PI4K2A: variants seen among roughly 807,000 people sequenced by gnomAD.
The protein encoded by PI4K2A is phosphatidylinositol 4-kinase type 2 alpha.
In PI4K2A, 20 loss-of-function variants were observed where a neutral mutation model predicts 55.0. That is an observed-to-expected ratio of 0.36 (90% CI 0.26 to 0.53). The LOEUF (loss-of-function observed/expected upper bound fraction) is 0.53. Ranked by LOEUF, PI4K2A falls within the 20% of genes least tolerant of loss-of-function variation. The pLI, the probability that PI4K2A is intolerant of heterozygous loss-of-function variation, is 0.91. For synonymous variants in PI4K2A, 235 were observed against 258.5 expected, an observed-to-expected ratio of 0.91 and a Z score of 0.87; for missense variants, 463 against 637.1, an observed-to-expected ratio of 0.73 and a Z score of 2.94.
At chr10:97,653,105 A>G (rs1337010591) in intron 2 of PI4K2A, among the ~76,000 whole-genome samples, 1 of 152,194 alleles carries the variant, frequency 6.6e-6, no homozygotes, top group Non-Finnish European at 1.5e-5. Context: ...CTAACCTGAA[A>G]TGCTTCTACT....
chr10:97,665,401 A>G (rs1248182979), intron 6 of PI4K2A, among the ~76,000 whole-genome samples: 1 of 151,890 alleles, frequency 6.6e-6, no homozygotes, highest in African/African-American at 2.4e-5. Context: ...CAACCTCCCA[A>G]GTAGCTGGGA....
At chr10:97,642,888 C>CTTTCTTTCTCTCTCTCTCTCTCTCT (rs1452827494) in intron 1 of PI4K2A, among the ~76,000 whole-genome samples, 1 of 64,394 alleles carries the variant, frequency 1.6e-5, no homozygotes, top group African/African-American at 6.7e-5. Context: ...TTTCTTTCTT[C>CTTTCTTTCTCTCTCTCTCTCTCTCT]CTTCCTTCCT....
At chr10:97,657,600 G>A (rs555679815) in intron 4 of PI4K2A, among the ~76,000 whole-genome samples, 2 of 151,670 alleles carry the variant, frequency 1.3e-5, no homozygotes, top group African/African-American at 2.4e-5. Flanking sequence ...CCTGGGAGGC[G>A]GAGGTTGCAG....
intron 8 of PI4K2A, among the ~76,000 whole-genome samples, chr10:97,672,076 C>T (rs911038184): frequency 6.6e-6 from 1 of 151,424 alleles, no homozygotes; most frequent in Non-Finnish European, 1.5e-5. Context: ...TGGAGTCTCG[C>T]TCTCTTGCCA....
At chr10:97,645,970 A>G (rs1364770780) in intron 1 of PI4K2A, among the ~76,000 whole-genome samples, 1 of 152,158 alleles carries the variant, frequency 6.6e-6, no homozygotes. Flanking sequence ...ATACCATAGA[A>G]TACAGCAGTT....
At chr10:97,649,214 A>C (rs772482655) in intron 1 of PI4K2A, among the ~76,000 whole-genome samples, 3 of 152,188 alleles carry the variant, frequency 2.0e-5, no homozygotes, top group Non-Finnish European at 4.4e-5. Context: ...GAGTCATATG[A>C]TATGAGGATG....
At chr10:97,643,741 A>G (rs1343672921) in intron 1 of PI4K2A, among the ~76,000 whole-genome samples, 1 of 152,254 alleles carries the variant, frequency 6.6e-6, no homozygotes, top group Non-Finnish European at 1.5e-5. Flanking sequence ...ACTGGCCCAC[A>G]GACTTACTGT....
At chr10:97,648,391 TA>T (rs2041515333) in intron 1 of PI4K2A, among the ~76,000 whole-genome samples, 1 of 152,120 alleles carries the variant, frequency 6.6e-6, no homozygotes, top group Non-Finnish European at 1.5e-5. Context: ...GGCTAATTTT[TA>T]AAAATTAGTG....
intron 4 of PI4K2A, among the ~76,000 whole-genome samples, chr10:97,660,694 A>T (rs2135758251): frequency 6.6e-6 from 1 of 152,144 alleles, no homozygotes; most frequent in African/African-American, 2.4e-5. Flanking sequence ...ATCATTATAA[A>T]ATATACTGAA....
At chr10:97,641,229 C>T (rs111653180) in intron 1 of PI4K2A, 52 bp downstream of exon 1, 2 of 1,403,460 alleles carry the variant, frequency 1.4e-6, no homozygotes, top group Non-Finnish European at 2.0e-6. Flanking sequence ...GGCGGCGCTC[C>T]TGGGGAGTTG....
chr10:97,663,432 T>C (rs1365317406), intron 5 of PI4K2A, among the ~76,000 whole-genome samples: 1 of 152,202 alleles, frequency 6.6e-6, no homozygotes, highest in Non-Finnish European at 1.5e-5. Flanking sequence ...TCTCTATCAC[T>C]GTTCAGTCTA....
intron 4 of PI4K2A, among the ~76,000 whole-genome samples, chr10:97,661,658 G>A (rs1347633851): frequency 1.3e-5 from 2 of 151,488 alleles, no homozygotes; most frequent in Non-Finnish European, 2.9e-5. Context: ...GACTGGCCAG[G>A]TTAATATGTT....
intron 4 of PI4K2A, among the ~76,000 whole-genome samples, chr10:97,659,828 A>G (rs1425418183): frequency 6.6e-6 from 1 of 152,020 alleles, no homozygotes; most frequent in African/African-American, 2.4e-5. Flanking sequence ...CATAGACTCC[A>G]GAGCTCCAAA....
intron 8 of PI4K2A, among the ~76,000 whole-genome samples, chr10:97,672,929 C>T (rs1378599737): frequency 1.3e-5 from 2 of 149,124 alleles, no homozygotes; most frequent in Non-Finnish European, 1.5e-5. Flanking sequence ...TACAGAGTTT[C>T]ACCATGTTGG....
At chr10:97,650,840 G>T (rs528569607) in intron 1 of PI4K2A, 101 bp from the exon 2 acceptor site, 2 of 838,854 alleles carry the variant, frequency 2.4e-6, no homozygotes, top group Non-Finnish European at 1.9e-6. Context: ...GGAATTGTCT[G>T]CCTATGCCCT....
chr10:97,657,967 C>T (rs1213868378), intron 4 of PI4K2A, among the ~76,000 whole-genome samples: 1 of 152,068 alleles, frequency 6.6e-6, no homozygotes, highest in East Asian at 1.9e-4. Flanking sequence ...TTCTGAGTAG[C>T]TGGGATTACA....
rs1220421463 is a variant in PI4K2A at position 97,640,905 on chromosome 10, G to T, written c.163G>T (p.Asp55Tyr). ...CTCTCCGCCGGGCTCGCCGGGCCAC[G>T]ACCGCGAGCGGCAGCCACTGTTGGA... Residue 55 changes from aspartate to tyrosine, a missense_variant, in exon 1 of 9, where the codon GAC becomes TAC. Transcript: ENST00000370631. 5 of 1,310,232 alleles carry T rather than the reference G, an allele frequency of 3.8e-6. No individual in the cohort carries two copies. The African/African-American group carries it at 4.7e-5, about 12-fold the overall frequency. The allele number at this position is 1,310,232 out of a possible 1,614,324, so 81.2% of individuals were successfully genotyped here.
exon 1 of PI4K2A, chr10:97,640,734 G>C: frequency 6.7e-7 from 1 of 1,489,350 alleles, no homozygotes; most frequent in Middle Eastern, 2.5e-4. Context: ...GGAGCCGGCT[G>C]TCTGAGGGAT....
intron 7 of PI4K2A, 29 bp downstream of exon 7, chr10:97,666,600 T>G: frequency 6.4e-7 from 1 of 1,567,032 alleles, no homozygotes; most frequent in African/African-American, 1.4e-5. Flanking sequence ...AGCCCTATTA[T>G]CATATGGGAG....
Sources: allele counts gnomAD v4.1 joint callset (sites outside exome capture counted in the v4.1 genomes callset), GRCh38; gene constraint gnomAD v4.1.1; transcripts MANE v1.5; gene names NCBI Gene and HGNC (gene_info 2026-07-23, HGNC 2026-07-21).